Variants in HCN1 observed in about 807,000 individuals in gnomAD.
The protein encoded by HCN1 is hyperpolarization activated cyclic nucleotide gated potassium channel 1, also known as potassium/sodium hyperpolarization-activated cyclic nucleotide-gated channel 1.
Under a neutral mutation model 78.9 loss-of-function variants are expected in HCN1, and 13 were observed. The ratio of observed to expected loss-of-function variants is 0.16; its 90% confidence interval spans 0.11 to 0.26. The LOEUF (loss-of-function observed/expected upper bound fraction) is 0.26, where lower values mean the gene tolerates loss of function less well. Ranked by LOEUF, HCN1 falls within the 10% of genes least tolerant of loss-of-function variation. The pLI, the probability that HCN1 is intolerant of heterozygous loss-of-function variation, is 1.00. For missense variants in HCN1, 810 were observed against 1,154.3 expected (o/e 0.70, Z 4.32); for synonymous variants, 552 against 455.5 (o/e 1.21, Z -2.70).
At chr5:45,556,611 TG>T (rs764177248) in intron 2 of HCN1, among the ~76,000 whole-genome samples, 12 of 151,966 alleles carry the variant, frequency 7.9e-5, no homozygotes, top group Non-Finnish European at 2.9e-5. Context: ...TATTTAATAA[TG>T]TTTCAAGCTC....
intron 4 of HCN1, among the ~76,000 whole-genome samples, chr5:45,377,082 A>T (rs985957129): frequency 6.6e-6 from 1 of 152,008 alleles, no homozygotes; most frequent in African/African-American, 2.4e-5. Flanking sequence ...AGAACTAGAG[A>T]AAATGGTGGA....
chr5:45,490,733 T>C (rs982244964), intron 2 of HCN1, among the ~76,000 whole-genome samples: 1 of 152,180 alleles, frequency 6.6e-6, no homozygotes, highest in Non-Finnish European at 1.5e-5. Flanking sequence ...ATACCTACCA[T>C]GTACTCACAA....
chr5:45,428,118 C>T (rs1046106922), intron 3 of HCN1, among the ~76,000 whole-genome samples: 4 of 151,820 alleles, frequency 2.6e-5, no homozygotes, highest in African/African-American at 9.7e-5. Flanking sequence ...ATGGATAAAA[C>T]TCATAGAAAC....
chr5:45,313,537 G>C (rs1294705204), intron 5 of HCN1, among the ~76,000 whole-genome samples: 1 of 152,188 alleles, frequency 6.6e-6, no homozygotes, highest in Non-Finnish European at 1.5e-5. Context: ...GATGAGTTGA[G>C]AGAAGAAGGC....
At chr5:45,563,187 C>G (rs775949817) in intron 2 of HCN1, among the ~76,000 whole-genome samples, 5 of 152,154 alleles carry the variant, frequency 3.3e-5, no homozygotes, top group African/African-American at 4.8e-5. Context: ...CGGTGGCTCA[C>G]GCCTGTAATC....
chr5:45,452,015 G>T (rs1350606471), intron 3 of HCN1, among the ~76,000 whole-genome samples: 1 of 151,928 alleles, frequency 6.6e-6, no homozygotes, highest in Non-Finnish European at 1.5e-5. Context: ...CATTTTAATT[G>T]ACTTTATGAT....
At chr5:45,525,898 G>C (rs77326664) in intron 2 of HCN1, among the ~76,000 whole-genome samples, 1 of 151,954 alleles carries the variant, frequency 6.6e-6, no homozygotes, top group Non-Finnish European at 1.5e-5. Context: ...AAGTAATTAG[G>C]TCAAGGTGAT....
intron 5 of HCN1, among the ~76,000 whole-genome samples, chr5:45,319,782 A>T (rs1301808229): frequency 1.3e-5 from 2 of 151,746 alleles, no homozygotes; most frequent in Non-Finnish European, 2.9e-5. Context: ...TTAATCACAA[A>T]TCTGTATTTT....
intron 5 of HCN1, among the ~76,000 whole-genome samples, chr5:45,314,583 T>C (rs1312438859): frequency 6.6e-6 from 1 of 152,096 alleles, no homozygotes; most frequent in African/African-American, 2.4e-5. Flanking sequence ...GGATAAAAAG[T>C]CAAGACCCAT....
At chr5:45,506,330 T>A (rs891740854) in intron 2 of HCN1, among the ~76,000 whole-genome samples, 2 of 152,140 alleles carry the variant, frequency 1.3e-5, no homozygotes, top group Non-Finnish European at 2.9e-5. Flanking sequence ...ATCTGTCAGC[T>A]AAATCAGAGA....
intron 5 of HCN1, among the ~76,000 whole-genome samples, chr5:45,341,935 C>A (rs557140065): frequency 6.6e-6 from 1 of 152,210 alleles, no homozygotes; most frequent in South Asian, 2.1e-4. Flanking sequence ...TAGGCATCTA[C>A]CTTATCATCT....
At chr5:45,439,571 T>A (rs558348352) in intron 3 of HCN1, among the ~76,000 whole-genome samples, 2 of 152,250 alleles carry the variant, frequency 1.3e-5, no homozygotes, top group South Asian at 4.1e-4. Context: ...AAATCTCCCT[T>A]TTTATTTAAA....
At chr5:45,317,026 G>C (rs1746008021) in intron 5 of HCN1, among the ~76,000 whole-genome samples, 1 of 152,068 alleles carries the variant, frequency 6.6e-6, no homozygotes, top group Non-Finnish European at 1.5e-5. Flanking sequence ...TCCCCATCAA[G>C]CTACCAATGA....
intron 4 of HCN1, among the ~76,000 whole-genome samples, chr5:45,363,384 C>T (rs995353746): frequency 1.3e-5 from 2 of 151,414 alleles, no homozygotes; most frequent in Non-Finnish European, 2.9e-5. Context: ...GTGTAGGTTA[C>T]ACCACATAAG....
At chr5:45,289,685 A>G (rs1220809425) in intron 6 of HCN1, among the ~76,000 whole-genome samples, 1 of 152,086 alleles carries the variant, frequency 6.6e-6, no homozygotes, top group Non-Finnish European at 1.5e-5. Context: ...ACAGGCACAG[A>G]AAAAGAAATG....
intron 2 of HCN1, among the ~76,000 whole-genome samples, chr5:45,571,984 C>T (rs1389571868): frequency 6.6e-6 from 1 of 152,064 alleles, no homozygotes; most frequent in Non-Finnish European, 1.5e-5. Flanking sequence ...TTTATAAATG[C>T]ATTTGAAAGC....
At chr5:45,556,785 C>T (rs1029207223) in intron 2 of HCN1, among the ~76,000 whole-genome samples, 1 of 151,922 alleles carries the variant, frequency 6.6e-6, no homozygotes. Context: ...TTTCTTCTCC[C>T]ATCAATTCTT....
intron 2 of HCN1, among the ~76,000 whole-genome samples, chr5:45,606,734 G>A (rs1029458718): frequency 2.6e-5 from 4 of 151,810 alleles, no homozygotes; most frequent in African/African-American, 7.3e-5. Flanking sequence ...CCCCACTAAA[G>A]TACAATAAGT....
intron 6 of HCN1, among the ~76,000 whole-genome samples, chr5:45,276,262 T>C (rs1745055730): frequency 6.6e-6 from 1 of 152,032 alleles, no homozygotes; most frequent in Admixed American, 6.6e-5. Context: ...CATTTAAACA[T>C]GCATTTCCTC....
Sources: allele counts gnomAD v4.1 joint callset (sites outside exome capture counted in the v4.1 genomes callset), GRCh38; gene constraint gnomAD v4.1.1; transcripts MANE v1.5; gene names NCBI Gene and HGNC (gene_info 2026-07-23, HGNC 2026-07-21).